FAM234B: variants seen among roughly 807,000 people sequenced by gnomAD.
The protein encoded by FAM234B is protein FAM234B.
In FAM234B, 33 loss-of-function variants were observed where a neutral mutation model predicts 69.3. That is an observed-to-expected ratio of 0.48 (90% CI 0.36 to 0.64). The LOEUF is 0.64. Ranked by LOEUF, FAM234B falls within the 30% of genes least tolerant of loss-of-function variation. The probability of loss-of-function intolerance (pLI) is 0.00; values close to 1 mark genes in which losing one functional copy is unlikely to be tolerated. For missense variants in FAM234B, 697 were observed against 769.7 expected, an observed-to-expected ratio of 0.91 and a Z score of 1.12; for synonymous variants, 306 against 306.9, an observed-to-expected ratio of 1.00 and a Z score of 0.03.
Position 13,080,922 on chromosome 12 carries a change from T to G in FAM234B, c.*292T>G, listed in dbSNP as rs1379409703. 10 of 340,360 alleles carry G rather than the reference T, an allele frequency of 2.9e-5. No homozygotes were observed. The highest frequency in any genetic ancestry group is 5.3e-5 in the Non-Finnish European group (10 of 189,824). The allele number at this position is 340,360 out of a possible 1,614,324, so 21.1% of individuals were successfully genotyped here. ...AAGTATTTAATTTTTTTGGTATGTC[T>G]AATTTATGAAGTCTTGCTGGGAAAG... On this transcript the variant is annotated 3_prime_UTR_variant, in exon 13 of 13. Coordinates refer to ENST00000197268, the MANE Select transcript of FAM234B (RefSeq NM_020853.2).
chr12:13,074,557 T>C (rs1334052829), intron 10 of FAM234B, among the ~76,000 whole-genome samples: 2 of 152,088 alleles, frequency 1.3e-5, no homozygotes, highest in Non-Finnish European at 2.9e-5. Context: ...AGGGTGATGA[T>C]CAGACATTTG....
intron 10 of FAM234B, among the ~76,000 whole-genome samples, 191 bp from the exon 11 acceptor site, chr12:13,075,835 T>C (rs149522165): frequency 1.3e-5 from 2 of 152,252 alleles, no homozygotes; most frequent in African/African-American, 4.8e-5. Context: ...TGATTACTAT[T>C]TTGAGCTCTT....
At position 13,080,097 on chromosome 12, in the gene FAM234B, G is replaced by A. The variant is rs117207166; in HGVS notation, c.1863+88G>A. 295 of 1,015,774 alleles carry A rather than the reference G, an allele frequency of 2.9e-4. No individual in the cohort carries two copies. In the East Asian group the frequency reaches 7.0e-3, roughly 24 times the overall value. The allele number at this position is 1,015,774 out of a possible 1,614,324, so 62.9% of individuals were successfully genotyped here. On this transcript the variant is annotated intron_variant, in intron 12 of 12. Coordinates refer to ENST00000197268, the MANE Select transcript of FAM234B (RefSeq NM_020853.2). ...TTTGTCTTTAGAAAGTAGGCAGAAT[G>A]GGGAACTTTCTTGAGTAGATGTGTA... is the stretch of plus-strand genomic sequence containing the variant.
At chr12:13,066,984 G>C (rs1865046358) in intron 6 of FAM234B, 171 bp from the exon 7 acceptor site, 3 of 925,950 alleles carry the variant, frequency 3.2e-6, no homozygotes, top group Non-Finnish European at 4.9e-6. Flanking sequence ...CTGAAGGGAA[G>C]ACTCTTGTCC....
rs1864954619 is a variant in FAM234B at position 13,058,504 on chromosome 12, G to A, written c.487G>A (p.Asp163Asn). 1.2e-6 allele frequency: 2 copies of A among 1,614,020 alleles called. No homozygotes were observed. Among genetic ancestry groups the A allele is most frequent in the Non-Finnish European group, 1.7e-6 (2 of 1,179,938 alleles). The part of the protein sequence containing the change: ...LADVNGDGLR[D>N]VLLSFVMSRN... ...TGATGTGAATGGAGATGGCCTGCGT[G>A]ATGTGCTTCTCTCCTTTGTGATGTC... Residue 163 changes from aspartate (D) to asparagine (N), a missense_variant, in exon 3 of 13, where the codon GAT (aspartate) becomes AAT (asparagine). By Grantham distance (23) the Asp-to-Asn change is conservative. Transcript: ENST00000197268.
Position 13,066,623 on chromosome 12 carries a change from CT to C in FAM234B, c.853-16del, listed in dbSNP as rs777985509. 3.7e-6 allele frequency: 6 copies of C among 1,604,172 alleles called. No individual in the cohort carries two copies. The African/African-American group carries it at 5.4e-5, about 14-fold the overall frequency. Reference sequence around the variant, plus strand: ...TAGGGCTTCTATTGACTCCACCCCCCTCTCTTACTTCCTCAGCCAGATCTGT... The same window carrying C: ...TAGGGCTTCTATTGACTCCACCCCCCCTCTTACTTCCTCAGCCAGATCTGT... On this transcript the variant is annotated splice_polypyrimidine_tract_variant and intron_variant, in intron 5 of 12. Coordinates refer to ENST00000197268, the MANE Select transcript of FAM234B (RefSeq NM_020853.2).
chr12:13,079,068 G>A (rs1033130814), intron 11 of FAM234B, among the ~76,000 whole-genome samples: 6 of 152,104 alleles, frequency 3.9e-5, no homozygotes, highest in African/African-American at 1.4e-4. Context: ...CCAAAAAAGA[G>A]CCCGTATCAC....
chr12:13,070,897 C>G lies in FAM234B; in HGVS notation c.1369-344C>G, dbSNP rs79292408. 1.7e-3 allele frequency among the ~76,000 whole-genome samples: 256 copies of G among 152,290 alleles called. 2 individuals are homozygous for G. Among genetic ancestry groups the G allele is most frequent in the African/African-American group, 6.0e-3 (250 of 41,564 alleles). Reference sequence around the variant, plus strand: ...CTGCTCTGTCTCTCTGAGGACTGTCCTAAACGTGGACAATCCGCGTGTCCA... The same window carrying G: ...CTGCTCTGTCTCTCTGAGGACTGTCGTAAACGTGGACAATCCGCGTGTCCA... On this transcript the variant is annotated intron_variant, in intron 9 of 12. Transcript: ENST00000197268.
intron 1 of FAM234B, among the ~76,000 whole-genome samples, chr12:13,049,997 C>G (rs1331584606): frequency 6.6e-6 from 1 of 152,160 alleles, no homozygotes; most frequent in South Asian, 2.1e-4. Flanking sequence ...TAATCCAGGC[C>G]TGTTAAGTCA....
In FAM234B at chr12:13,082,397, A is replaced by G. The variant is rs761732075; in HGVS notation, c.*1767A>G. 3 of 152,228 alleles carry G rather than the reference A, an allele frequency of 2.0e-5. No homozygotes were observed. Among genetic ancestry groups the G allele is most frequent in the Non-Finnish European group, 4.4e-5 (3 of 68,046 alleles). 9.4% of individuals were successfully genotyped at this position (152,228 alleles called of 1,614,324 possible). ...CAGGAGGTTGGTAGCAGTAGATCCA[A>G]GCATGCATGTTGCCTGGCCTGTAGA... is the stretch of plus-strand genomic sequence containing the variant. On this transcript the variant is annotated 3_prime_UTR_variant, in exon 13 of 13. Transcript: ENST00000197268.
rs552812183 is a variant in FAM234B at position 13,050,976 on chromosome 12, G to A, written c.38-4575G>A. ...CTACTCTTACTGAGCTTTCTCAATTGAGTACAAGTTTCAGTGCATTTAGTT... is the reference window on the plus strand; with the variant it reads ...CTACTCTTACTGAGCTTTCTCAATTAAGTACAAGTTTCAGTGCATTTAGTT... On this transcript the variant is annotated intron_variant, in intron 1 of 12. Transcript: ENST00000197268. 1.7e-3 allele frequency among the ~76,000 whole-genome samples: 252 copies of A among 152,274 alleles called. 1 individual carries two copies. Among genetic ancestry groups the A allele is most frequent in the African/African-American group, 6.0e-3 (249 of 41,558 alleles).
intron 10 of FAM234B, among the ~76,000 whole-genome samples, chr12:13,074,307 G>C (rs1865139185): frequency 6.6e-6 from 1 of 152,136 alleles, no homozygotes; most frequent in Non-Finnish European, 1.5e-5. Flanking sequence ...ACTACAAAAA[G>C]AAAAGAGCCA....
At chr12:13,051,342 C>G (rs950671) in intron 1 of FAM234B, among the ~76,000 whole-genome samples, 22,930 of 152,092 alleles carry the variant, frequency 0.15, 1,957 homozygotes, top group Admixed American at 0.21. Flanking sequence ...TTCACTTTGA[C>G]AAAGGTGCTG....
At chr12:13,061,285 C>T (rs765605544) in intron 3 of FAM234B, among the ~76,000 whole-genome samples, 21 of 152,084 alleles carry the variant, frequency 1.4e-4, no homozygotes, top group Non-Finnish European at 2.6e-4. Context: ...TAGTTGGGGC[C>T]GAGGTGGCAG....
intron 10 of FAM234B, among the ~76,000 whole-genome samples, chr12:13,073,271 A>G (rs1331522190): frequency 2.0e-5 from 3 of 151,880 alleles, no homozygotes; most frequent in African/African-American, 7.3e-5. Context: ...CTGGGATTAC[A>G]GGCATGAGCC....
Position 13,079,816 on chromosome 12 carries a change from C to A in FAM234B, c.1670C>A (p.Ala557Asp), listed in dbSNP as rs201437931. Residue 557 changes from alanine (A) to aspartate (D), a missense_variant, in exon 12 of 13, where the codon GCC becomes GAC. By Grantham distance (126) the Ala-to-Asp change is moderately radical. This residue lies in a region of FAM234B where 313 missense variants were observed against 305.5 expected (regional missense o/e 1.02). Coordinates refer to ENST00000197268, the MANE Select transcript of FAM234B (RefSeq NM_020853.2). ...EVGINDLWKDAFYVTRTTGPS... is the reference protein window; with the variant it reads ...EVGINDLWKDDFYVTRTTGPS... ...GGAATTAACGACCTCTGGAAAGATG[C>A]CTTTTATGTTACCAGGACAACAGGG... 6.2e-7 allele frequency: 1 copy of A among 1,613,774 alleles called. No individual in the cohort carries two copies. Among genetic ancestry groups the A allele is most frequent in the South Asian group, 1.1e-5 (1 of 91,040 alleles).
At chr12:13,075,971 C>T (rs1038850693) in intron 10 of FAM234B, 55 bp from the exon 11 acceptor site, 3 of 1,252,818 alleles carry the variant, frequency 2.4e-6, no homozygotes, top group Non-Finnish European at 3.5e-6. Flanking sequence ...TGAGGACTGT[C>T]ACGTGTGGGA....
chr12:13,047,710 C>CCTTT (rs1394794203), intron 1 of FAM234B, among the ~76,000 whole-genome samples: 1 of 152,094 alleles, frequency 6.6e-6, no homozygotes, highest in Non-Finnish European at 1.5e-5. Flanking sequence ...TCTTTGAAAA[C>CCTTT]CTTTCATTCA....
At position 13,068,527 on chromosome 12, in the gene FAM234B, C is replaced by A. The variant is rs1294079174; in HGVS notation, c.1286+80C>A. On this transcript the variant is annotated intron_variant, in intron 8 of 12. Transcript: ENST00000197268. ...AAAAATTGTCCAGGACAATTGCTTG[C>A]AATTCTTATATCTGGGGCCAGTGCA... is the stretch of plus-strand genomic sequence containing the variant. The A allele has an allele frequency of 6.3e-6, 10 of 1,589,350 alleles. No individual in the cohort carries two copies. The Admixed American group carries it at 1.2e-4, about 19-fold the overall frequency.
Sources: gnomAD v4.1 joint callset for allele counts (sites outside exome capture counted in the v4.1 genomes callset) on GRCh38, gnomAD v4.1.1 for gene constraint, gnomAD v4.1.1 regional missense constraint, MANE v1.5 for transcripts, NCBI Gene and HGNC (gene_info 2026-07-23, HGNC 2026-07-21) for gene names.